The following PCDHGB4 variants were observed in gnomAD, a reference collection of about 807,000 sequenced individuals.
The protein encoded by PCDHGB4 is protocadherin gamma-B4.
PCDHGB4 carries 38 observed loss-of-function variants against 60.5 expected under a neutral mutation model. The ratio of observed to expected loss-of-function variants is 0.63; its 90% confidence interval spans 0.48 to 0.82. PCDHGB4 has a LOEUF of 0.82. PCDHGB4 is among the 40% of genes least tolerant of loss of function. PCDHGB4 has a pLI of 0.00. For missense variants in PCDHGB4, 1,109 were observed against 1,209.6 expected, an observed-to-expected ratio of 0.92 and a Z score of 1.23; for synonymous variants, 456 against 509.7, an observed-to-expected ratio of 0.89 and a Z score of 1.42.
At chr5:141,404,819 A>G in intron 1 of PCDHGB4, 1 of 1,608,430 alleles carries the variant, frequency 6.2e-7, no homozygotes, top group South Asian at 1.1e-5. Flanking sequence ...GGGGCTGCAC[A>G]CAGGTGAAGT....
chr5:141,462,431 T>G (rs1345184304), intron 1 of PCDHGB4, among the ~76,000 whole-genome samples: 1 of 152,246 alleles, frequency 6.6e-6, no homozygotes, highest in East Asian at 1.9e-4. Context: ...TGGTGAGTGT[T>G]GCTTACACAC....
At chr5:141,459,829 G>A in intron 1 of PCDHGB4, among the ~76,000 whole-genome samples, 1 of 152,178 alleles carries the variant, frequency 6.6e-6, no homozygotes, top group East Asian at 1.9e-4. Flanking sequence ...AACTTTTCAT[G>A]TGTTGTCTAT....
Position 141,485,060 on chromosome 5 carries a change from G to T in PCDHGB4, c.2398-9747G>T. The T allele has an allele frequency of 1.2e-6, 1 of 862,304 alleles. No individual in the cohort carries two copies. 53.4% of individuals were successfully genotyped at this position (862,304 alleles called of 1,614,324 possible). ...ACCCTTGCGGCGCCGGCCGAACCGC[G>T]CCAGAGCTGGCGCGGGGAAAGGGAG... On this transcript the variant is annotated intron_variant, in intron 1 of 3. Coordinates refer to ENST00000519479, the MANE Select transcript of PCDHGB4 (RefSeq NM_003736.4). The surrounding 1 kb of genome is among the most constrained non-coding windows in gnomAD (Gnocchi z 5.7).
At chr5:141,447,520 T>C (rs1156521785) in intron 1 of PCDHGB4, among the ~76,000 whole-genome samples, 1 of 152,202 alleles carries the variant, frequency 6.6e-6, no homozygotes, top group Non-Finnish European at 1.5e-5. Context: ...ATAACAATCA[T>C]AACAAAATTG....
chr5:141,388,559 T>C lies in PCDHGB4; in HGVS notation c.675T>C (p.Thr225=). Residue 225 remains threonine, a synonymous_variant, in exon 1 of 4, where the codon ACT becomes ACC. Coordinates refer to ENST00000519479, the MANE Select transcript of PCDHGB4 (RefSeq NM_003736.4). ...LDFGAPPLSS[T]AQIHVLVTDA... is the part of the protein sequence containing the mutation. Reference sequence around the variant, plus strand: ...TTGGAGCTCCACCCCTAAGCAGCACTGCACAGATACACGTTCTAGTGACTG... The same window carrying C: ...TTGGAGCTCCACCCCTAAGCAGCACCGCACAGATACACGTTCTAGTGACTG... 6.2e-7 allele frequency: 1 copy of C among 1,613,890 alleles called. No individual in the cohort carries two copies. Among genetic ancestry groups the C allele is most frequent in the Non-Finnish European group, 8.5e-7 (1 of 1,179,890 alleles).
chr5:141,418,247 G>A, intron 1 of PCDHGB4: 1 of 1,614,032 alleles, frequency 6.2e-7, no homozygotes, highest in Non-Finnish European at 8.5e-7. Context: ...TAATGACCAC[G>A]CCCCTCAATT....
intron 1 of PCDHGB4, chr5:141,433,208 C>CT (rs745329085): frequency 0.022 from 27,155 of 1,216,152 alleles, no homozygotes; most frequent in Non-Finnish European, 0.026. Flanking sequence ...AATCTTCTTT[C>CT]TTTTTTTTTT....
In PCDHGB4 at chr5:141,389,482, G is replaced by A. The variant is rs766365115; in HGVS notation, c.1598G>A (p.Arg533His). ...GCCTTCGAACTCACACTGCAGGCCC[G>A]CGACCAGGGCTCGCCAGCGCTCAGC... is the stretch of plus-strand genomic sequence containing the variant. ...LRAFELTLQARDQGSPALSAN... is the reference protein window; with the variant it reads ...LRAFELTLQAHDQGSPALSAN... Residue 533 changes from arginine (R) to histidine (H), a missense_variant, in exon 1 of 4, where the codon CGC becomes CAC. Physicochemically the swap from Arg to His is conservative, Grantham distance 29 (BLOSUM62 0). This residue lies in a region of PCDHGB4 where 1,068 missense variants were observed against 1,089.9 expected (regional missense o/e 0.98). Transcript: ENST00000519479. 4 of 1,613,080 alleles carry A rather than the reference G, an allele frequency of 2.5e-6. No homozygotes were observed. The South Asian group carries it at 3.3e-5, about 13-fold the overall frequency.
chr5:141,472,733 C>T (rs1450872513), intron 1 of PCDHGB4, among the ~76,000 whole-genome samples: 2 of 151,996 alleles, frequency 1.3e-5, no homozygotes, highest in Non-Finnish European at 2.9e-5. Context: ...CACCTGTAAT[C>T]CCAGCACTTT....
intron 1 of PCDHGB4, among the ~76,000 whole-genome samples, chr5:141,492,745 C>G (rs2099743569): frequency 6.6e-6 from 1 of 152,262 alleles, no homozygotes; most frequent in Non-Finnish European, 1.5e-5. Flanking sequence ...GTGGCCGAGG[C>G]GCGGCAGGGC....
rs1176011355 is a variant in PCDHGB4, at chr5:141,485,491, G to C, written c.2398-9316G>C. Reference sequence around the variant, plus strand: ...TCAGTGCCAGCTGCATCGTGCCCCTGGAGTTTGTCACCGAAGGTCCTTTGG... The same window carrying C: ...TCAGTGCCAGCTGCATCGTGCCCCTCGAGTTTGTCACCGAAGGTCCTTTGG... On this transcript the variant is annotated intron_variant, in intron 1 of 3. Coordinates refer to ENST00000519479, the MANE Select transcript of PCDHGB4 (RefSeq NM_003736.4). This position sits in a 1 kb window ranked among gnomAD's most constrained non-coding sequence, Gnocchi z 5.7. 6.2e-7 allele frequency: 1 copy of C among 1,614,142 alleles called. No homozygotes were observed. The highest frequency in any genetic ancestry group is 1.3e-5 in the African/African-American group (1 of 75,018).
intron 1 of PCDHGB4, among the ~76,000 whole-genome samples, chr5:141,437,990 C>G (rs1298325497): frequency 1.3e-5 from 2 of 152,148 alleles, no homozygotes; most frequent in Non-Finnish European, 2.9e-5. Flanking sequence ...CCCACCCCAC[C>G]TCAGCCTCCC....
In PCDHGB4 at chr5:141,415,516, G is replaced by T. The variant is rs199990575; in HGVS notation, c.2397+25235G>T. The T allele has an allele frequency of 1.9e-6, 3 of 1,614,220 alleles. No individual in the cohort carries two copies. In the African/African-American group the frequency reaches 4.0e-5, roughly 22 times the overall value. ...GATCTTCCCCCAGCCCAATTATGCG[G>T]ACACGCTCATCAGCCAGGAGAGCTG... On this transcript the variant is annotated intron_variant, in intron 1 of 3. Coordinates refer to ENST00000519479, the MANE Select transcript of PCDHGB4 (RefSeq NM_003736.4).
chr5:141,431,571 A>T lies in PCDHGB4; in HGVS notation c.2397+41290A>T, dbSNP rs781289120. 1.2e-6 allele frequency: 2 copies of T among 1,614,026 alleles called. No homozygotes were observed. Among genetic ancestry groups the T allele is most frequent in the African/African-American group, 1.3e-5 (1 of 74,938 alleles). On this transcript the variant is annotated intron_variant, in intron 1 of 3. Coordinates refer to ENST00000519479, the MANE Select transcript of PCDHGB4 (RefSeq NM_003736.4). This position sits in a 1 kb window ranked among gnomAD's most constrained non-coding sequence, Gnocchi z 4.8. ...GTAGTCAACGCTACCGACCCTGACG[A>T]AGGAGTCAATGCGGAAGTGAGGTAT...
At chr5:141,507,786 GTCTAAGCC>G (rs1279265471) in intron 3 of PCDHGB4, among the ~76,000 whole-genome samples, 1 of 152,174 alleles carries the variant, frequency 6.6e-6, no homozygotes, top group Admixed American at 6.5e-5. Flanking sequence ...CCTGACCCTC[GTCTAAGCC>G]TGCGCCCTGG....
At chr5:141,447,275 G>C (rs2098532748) in intron 1 of PCDHGB4, among the ~76,000 whole-genome samples, 1 of 152,154 alleles carries the variant, frequency 6.6e-6, no homozygotes, top group African/African-American at 2.4e-5. Flanking sequence ...AAGTAGCTGG[G>C]ACTACAGGCA....
Position 141,491,574 on chromosome 5 carries a change from T to G in PCDHGB4, c.2398-3233T>G. Reference sequence around the variant, plus strand: ...AGAGCCACTGCTACAGGACGTGCTTTTCACCGGCCTCGGACGGCAGTGACT... The same window carrying G: ...AGAGCCACTGCTACAGGACGTGCTTGTCACCGGCCTCGGACGGCAGTGACT... On this transcript the variant is annotated intron_variant, in intron 1 of 3. Transcript: ENST00000519479. This position sits in a 1 kb window ranked among gnomAD's most constrained non-coding sequence, Gnocchi z 6.9. The G allele has an allele frequency of 6.2e-7, 1 of 1,613,956 alleles. No homozygotes were observed. Among genetic ancestry groups the G allele is most frequent in the Non-Finnish European group, 8.5e-7 (1 of 1,180,032 alleles).
In PCDHGB4 at chr5:141,486,828, G is replaced by T. The variant is rs140257646; in HGVS notation, c.2398-7979G>T. ...CCCCTTAGCAGCACTGTAACAGTTC[G>T]TCTATTTGTGCTGGACCTCAATGAC... On this transcript the variant is annotated intron_variant, in intron 1 of 3. Coordinates refer to ENST00000519479, the MANE Select transcript of PCDHGB4 (RefSeq NM_003736.4). This position sits in a 1 kb window ranked among gnomAD's most constrained non-coding sequence, Gnocchi z 5.0. The T allele has an allele frequency of 8.7e-6, 14 of 1,614,218 alleles. No homozygotes were observed. The highest frequency in any genetic ancestry group is 1.2e-5 in the Non-Finnish European group (14 of 1,180,042).
At chr5:141,410,084 A>G in intron 1 of PCDHGB4, 3 of 1,612,532 alleles carry the variant, frequency 1.9e-6, no homozygotes, top group Non-Finnish European at 2.5e-6. Context: ...GGAGGTGCGC[A>G]CGGCTCGAGC....
Sources: allele counts gnomAD v4.1 joint callset (sites outside exome capture counted in the v4.1 genomes callset), GRCh38; gene constraint gnomAD v4.1.1; regional missense constraint gnomAD v4.1.1; non-coding constraint Gnocchi (gnomAD v3.1); transcripts MANE v1.5; gene names NCBI Gene and HGNC (gene_info 2026-07-23, HGNC 2026-07-21).